ATP2B3: variants seen among roughly 807,000 people sequenced by gnomAD.
The protein encoded by ATP2B3 is plasma membrane calcium-transporting ATPase 3.
ATP2B3 carries 12 observed loss-of-function variants against 70.8 expected under a neutral mutation model. The ratio of observed to expected loss-of-function variants is 0.17; its 90% CI spans 0.11 to 0.27. The LOEUF is 0.27. Among genes scored for constraint, ATP2B3 ranks in the 10% least tolerant of loss-of-function variants. The pLI, the probability that ATP2B3 is intolerant of heterozygous loss-of-function variation, is 1.00. For synonymous variants in ATP2B3, 460 were observed against 497.8 expected (o/e 0.92, Z 1.01); for missense variants, 858 against 1,118.5 (o/e 0.77, Z 3.32).
chrX:153,570,383 G>C (rs888964801), intron 21 of ATP2B3, among the ~76,000 whole-genome samples: 8 of 112,729 alleles, frequency 7.1e-5, no homozygotes, highest in Non-Finnish European at 1.3e-4. Context: ...CTTGCCCCAA[G>C]CCACCGGGTG....
intron 8 of ATP2B3, among the ~76,000 whole-genome samples, chrX:153,547,127 A>G (rs1400649232): frequency 9.0e-6 from 1 of 110,793 alleles, no homozygotes; most frequent in Non-Finnish European, 1.9e-5. Context: ...CAGAAGAGGG[A>G]GGTGGGGTGG....
At chrX:153,530,818 G>T (rs5945252) in intron 2 of ATP2B3, among the ~76,000 whole-genome samples, 4,228 of 111,457 alleles carry the variant, frequency 0.038, 91 homozygotes, top group Middle Eastern at 0.07. Context: ...GGGGCCGGTG[G>T]GGGGCAGAGG....
intron 12 of ATP2B3, among the ~76,000 whole-genome samples, chrX:153,551,264 T>A (rs782647574): frequency 3.3e-4 from 37 of 112,078 alleles, no homozygotes; most frequent in Non-Finnish European, 6.4e-4. Flanking sequence ...GCCATCCTTG[T>A]GGGTGTGAGG....
At chrX:153,518,231 G>A (rs1602998104) in intron 1 of ATP2B3, among the ~76,000 whole-genome samples, 2 of 112,835 alleles carry the variant, frequency 1.8e-5, no homozygotes, top group South Asian at 3.5e-4. Context: ...CCGGGAGCCC[G>A]CCAGTGCGCA....
chrX:153,567,286 G>C (rs1197828931), intron 21 of ATP2B3, among the ~76,000 whole-genome samples: 1 of 113,318 alleles, frequency 8.8e-6, no homozygotes, highest in African/African-American at 3.2e-5. Flanking sequence ...TAAACACATC[G>C]AATGTTAGAA....
Position 153,562,228 on chromosome X carries a change from C to T in ATP2B3, c.3145C>T (p.Leu1049=), listed in dbSNP as rs782660535. 1.7e-6 allele frequency: 2 copies of T among 1,210,353 alleles called. No individual in the cohort carries two copies. The highest frequency in any genetic ancestry group is 2.2e-5 in the Admixed American group (1 of 46,057). Residue 1049 remains leucine (L), a synonymous_variant, in exon 20 of 22, where the codon CTG becomes TTG. Transcript: ENST00000263519. The part of the protein sequence containing the change: ...LWCLFVGVGE[L]VWGQVIATIP... ...GTGCCTGTTTGTTGGTGTTGGGGAGCTGGTCTGGGGACAGGTGAGTGACAG... is the reference window on the plus strand; with the variant it reads ...GTGCCTGTTTGTTGGTGTTGGGGAGTTGGTCTGGGGACAGGTGAGTGACAG...
chrX:153,576,834 C>T (rs1005143673), intron 21 of ATP2B3, among the ~76,000 whole-genome samples: 41 of 112,029 alleles, frequency 3.7e-4, no homozygotes, highest in African/African-American at 1.3e-3. Flanking sequence ...GGATGGGCCT[C>T]TCTTAGAAAC....
intron 21 of ATP2B3, chrX:153,569,521 C>A: frequency 9.2e-7 from 1 of 1,088,319 alleles, no homozygotes; most frequent in Non-Finnish European, 1.3e-6. Context: ...CAGTGGTGGC[C>A]CCTATCCTCG....
At position 153,559,933 on chromosome X, in the gene ATP2B3, C is replaced by T; in HGVS notation, c.2830C>T (p.Leu944=). 8.3e-7 allele frequency: 1 copy of T among 1,209,882 alleles called. No individual in the cohort carries two copies. The highest frequency in any genetic ancestry group is 1.8e-5 in the South Asian group (1 of 56,928). ...VYQLAIIFTL[L]FVGELFFDID... ...CCAGCTCGCCATCATCTTCACCCTG[C>T]TGTTTGTCGGTAGGCTGGCCAGGGG... The change falls in exon 18 of 22, where the codon CTG becomes TTG. Residue 944 remains leucine, a synonymous_variant. Transcript: ENST00000263519.
At chrX:153,534,155 G>A (rs201086879) in intron 2 of ATP2B3, among the ~76,000 whole-genome samples, 2 of 110,956 alleles carry the variant, frequency 1.8e-5, no homozygotes, top group Admixed American at 9.5e-5. Flanking sequence ...GGGAGAAGGC[G>A]CCCTGGCAGG....
chrX:153,571,039 C>CACACACA (rs2090781303), intron 21 of ATP2B3, among the ~76,000 whole-genome samples: 1 of 106,473 alleles, frequency 9.4e-6, no homozygotes, highest in Non-Finnish European at 2.0e-5. Flanking sequence ...CACACACACA[C>CACACACA]TCCTTCTCCA....
At chrX:153,567,135 C>G (rs1039488597) in intron 21 of ATP2B3, among the ~76,000 whole-genome samples, 7 of 113,146 alleles carry the variant, frequency 6.2e-5, no homozygotes, top group African/African-American at 2.2e-4. Context: ...GGAAGGGGAG[C>G]AGGCTTTGTC....
intron 9 of ATP2B3, 24 bp from the exon 10 acceptor site, chrX:153,548,616 C>A: frequency 1.7e-6 from 2 of 1,192,427 alleles, no homozygotes; most frequent in Non-Finnish European, 2.3e-6. Context: ...CAACCCCTTT[C>A]GTCTCCTCCC....
At chrX:153,573,142 C>A (rs976819055) in intron 21 of ATP2B3, among the ~76,000 whole-genome samples, 5 of 112,612 alleles carry the variant, frequency 4.4e-5, no homozygotes, top group Admixed American at 9.3e-5. Context: ...CATGTGGCCA[C>A]CGGGGGTCCC....
chrX:153,535,178 G>C (rs144285559), intron 2 of ATP2B3, among the ~76,000 whole-genome samples: 1 of 113,015 alleles, frequency 8.8e-6, no homozygotes, highest in Non-Finnish European at 1.9e-5. Flanking sequence ...GGCCCTAGCG[G>C]ATCCTTGGGT....
At chrX:153,529,599 T>G (rs782097934) in intron 2 of ATP2B3, among the ~76,000 whole-genome samples, 2 of 112,065 alleles carry the variant, frequency 1.8e-5, no homozygotes, top group East Asian at 5.6e-4. Flanking sequence ...TCACCATTTT[T>G]AAGTGTGCGG....
intron 2 of ATP2B3, among the ~76,000 whole-genome samples, chrX:153,534,530 C>T (rs2090162026): frequency 8.9e-6 from 1 of 112,441 alleles, no homozygotes; most frequent in Non-Finnish European, 1.9e-5. Flanking sequence ...GGCCCTCGGG[C>T]CTGCTGTTCT....
intron 2 of ATP2B3, among the ~76,000 whole-genome samples, chrX:153,524,654 C>T (rs968531865): frequency 2.7e-4 from 30 of 111,789 alleles, no homozygotes; most frequent in Non-Finnish European, 5.3e-4. Context: ...CTCATTTGCA[C>T]GCACTGACAC....
chrX:153,552,790 A>G (rs1444513041), intron 12 of ATP2B3, among the ~76,000 whole-genome samples: 1 of 112,488 alleles, frequency 8.9e-6, no homozygotes, highest in Non-Finnish European at 1.9e-5. Context: ...GAGAGGATGC[A>G]TCCTGCATCC....
Sources: allele counts gnomAD v4.1 joint callset (sites outside exome capture counted in the v4.1 genomes callset), GRCh38; gene constraint gnomAD v4.1.1; transcripts MANE v1.5; gene names NCBI Gene and HGNC (gene_info 2026-07-23, HGNC 2026-07-21).